THSD7A: variants seen among roughly 807,000 people sequenced by gnomAD.
The protein encoded by THSD7A is thrombospondin type 1 domain containing 7A.
In THSD7A, 96 loss-of-function variants were observed where a neutral mutation model predicts 231.3. The observed-to-expected ratio is 0.41, with a 90% CI of 0.35 to 0.49. The LOEUF (loss-of-function observed/expected upper bound fraction) is 0.49, where lower values mean the gene tolerates loss of function less well. THSD7A is among the 20% of genes least tolerant of loss of function. THSD7A has a pLI of 0.05. For missense variants in THSD7A, 2,290 were observed against 2,070.2 expected (o/e 1.11, Z -2.06); for synonymous variants, 940 against 743.3 (o/e 1.26, Z -4.30).
intron 2 of THSD7A, among the ~76,000 whole-genome samples, chr7:11,602,049 T>C (rs1039927532): frequency 6.6e-6 from 1 of 152,192 alleles, no homozygotes; most frequent in Non-Finnish European, 1.5e-5. Flanking sequence ...TACTGATATA[T>C]TGTGATCAAC....
chr7:11,812,696 T>A (rs1784568334), intron 1 of THSD7A, among the ~76,000 whole-genome samples: 1 of 152,210 alleles, frequency 6.6e-6, no homozygotes, highest in Non-Finnish European at 1.5e-5. Context: ...TCTTGGAGAC[T>A]TATTCTTCAC....
Position 11,425,786 on chromosome 7 carries a change from CAAGA to C in THSD7A, c.3249+876_3249+879del, listed in dbSNP as rs1487902666. Among the ~76,000 whole-genome samples the C allele has an allele frequency of 6.3e-5, 9 of 143,880 alleles. No individual in the cohort carries two copies. The East Asian group carries it at 1.0e-3, about 16-fold the overall frequency. The allele number at this position is 143,880 out of a possible 152,430, so 94.4% of individuals were successfully genotyped here. A position where few individuals can be genotyped will look rare whatever the true frequency, so the allele number is the denominator to read the frequency against. On this transcript the variant is annotated intron_variant, in intron 15 of 27. Coordinates refer to ENST00000423059, the MANE Select transcript of THSD7A (RefSeq NM_015204.3). ...CACACTGAGAGACAGAGACAGAGAGCAAGAGAGAGAGAAAGGGAAGAGAGAAACT... is the reference window on the plus strand; with the variant it reads ...CACACTGAGAGACAGAGACAGAGAGCGAGAGAGAAAGGGAAGAGAGAAACT...
At chr7:11,441,993 G>A (rs774232620) in intron 13 of THSD7A, among the ~76,000 whole-genome samples, 1 of 151,870 alleles carries the variant, frequency 6.6e-6, no homozygotes. Context: ...TTAAAAAAAA[G>A]CATAAAAAAC....
At chr7:11,396,066 C>A (rs1489765311) in intron 23 of THSD7A, among the ~76,000 whole-genome samples, 2 of 152,004 alleles carry the variant, frequency 1.3e-5, no homozygotes, top group Admixed American at 6.6e-5. Context: ...AAAACTAAAG[C>A]AGAAATAAGT....
rs1386263675 is a variant in THSD7A, at chr7:11,375,024, G to T, written c.*770C>A. ...GTGCCTTCCATATAGCAAAAAAGAT[G>T]CAGGCAACCAGTTTGAAAATCAGGG... On this transcript the variant is annotated 3_prime_UTR_variant, in exon 28 of 28. Coordinates refer to ENST00000423059, the MANE Select transcript of THSD7A (RefSeq NM_015204.3). 1 of 152,024 alleles carries T rather than the reference G, an allele frequency of 6.6e-6. No homozygotes were observed. The highest frequency in any genetic ancestry group is 1.5e-5 in the Non-Finnish European group (1 of 68,000). 9.4% of individuals were successfully genotyped at this position (152,024 alleles called of 1,614,324 possible).
rs6980010 is a variant in THSD7A at position 11,503,351 on chromosome 7, A to G, written c.1823-21369T>C. On this transcript the variant is annotated intron_variant, in intron 6 of 27. Transcript: ENST00000423059. Reference sequence around the variant, plus strand: ...ACTTAAATGTAAAACCCAAAACTATAAAAACCCTGGAAGACAACCTAGGCA... The same window carrying G: ...ACTTAAATGTAAAACCCAAAACTATGAAAACCCTGGAAGACAACCTAGGCA... 7.5e-3 allele frequency among the ~76,000 whole-genome samples: 1,148 copies of G among 152,304 alleles called. 12 individuals carry two copies. Among genetic ancestry groups the G allele is most frequent in the African/African-American group, 0.026 (1,101 of 41,568 alleles).
At chr7:11,628,552 TTCTC>T (rs139378850) in intron 2 of THSD7A, among the ~76,000 whole-genome samples, 1 of 150,928 alleles carries the variant, frequency 6.6e-6, no homozygotes, top group East Asian at 1.9e-4. Flanking sequence ...TGCACGCACT[TTCTC>T]TCTCTCTCTC....
chr7:11,657,242 A>C (rs1782744828), intron 1 of THSD7A, among the ~76,000 whole-genome samples: 1 of 151,836 alleles, frequency 6.6e-6, no homozygotes. Flanking sequence ...CCTTAGTAGA[A>C]CTCACAAGTT....
chr7:11,450,255 T>A (rs980168156), intron 11 of THSD7A, among the ~76,000 whole-genome samples: 1 of 152,050 alleles, frequency 6.6e-6, no homozygotes, highest in Non-Finnish European at 1.5e-5. Context: ...ACTATTCACA[T>A]AAACTGGAAT....
At chr7:11,556,110 TATTTA>T (rs1230700324) in intron 4 of THSD7A, among the ~76,000 whole-genome samples, 2 of 151,750 alleles carry the variant, frequency 1.3e-5, no homozygotes, top group African/African-American at 4.8e-5. Context: ...CTAAGTCTTC[TATTTA>T]TTTTTATTTA....
chr7:11,753,769 C>A (rs1355335545), intron 1 of THSD7A, among the ~76,000 whole-genome samples: 1 of 151,094 alleles, frequency 6.6e-6, no homozygotes, highest in Non-Finnish European at 1.5e-5. Flanking sequence ...ACAAACAATG[C>A]AATGGAGAGA....
rs563665853 is a variant in THSD7A, at chr7:11,629,172, G to T, written c.1022+6958C>A. 2.6e-5 allele frequency among the ~76,000 whole-genome samples: 4 copies of T among 152,188 alleles called. No homozygotes were observed. The East Asian group carries it at 5.8e-4, about 22-fold the overall frequency. On this transcript the variant is annotated intron_variant, in intron 2 of 27. Transcript: ENST00000423059. ...CCCATTGGTAGAATCCAATGAGAAA[G>T]AAGGCTCAGAAGCCTATGAATACAC...
At position 11,637,043 on chromosome 7, in the gene THSD7A, A is replaced by G. The variant is rs1781893214; in HGVS notation, c.191-82T>C. ...CTGCACATTCCAGAAAGACCTTTCAAGACCTAGTACATTAACTTCCCTGCG... is the reference window on the plus strand; with the variant it reads ...CTGCACATTCCAGAAAGACCTTTCAGGACCTAGTACATTAACTTCCCTGCG... On this transcript the variant is annotated intron_variant, in intron 1 of 27. Coordinates refer to ENST00000423059, the MANE Select transcript of THSD7A (RefSeq NM_015204.3). This position sits in a 1 kb window ranked among gnomAD's most constrained non-coding sequence, Gnocchi z 4.2. 3 of 1,298,650 alleles carry G rather than the reference A, an allele frequency of 2.3e-6. No homozygotes were observed. The African/African-American group carries it at 4.4e-5, about 19-fold the overall frequency. 80.4% of individuals were successfully genotyped at this position (1,298,650 alleles called of 1,614,324 possible).
chr7:11,451,446 G>T (rs1030864714), intron 11 of THSD7A, among the ~76,000 whole-genome samples: 17 of 152,116 alleles, frequency 1.1e-4, no homozygotes, highest in African/African-American at 3.9e-4. Flanking sequence ...CTTTTTAAGT[G>T]TGTGGACAGA....
intron 1 of THSD7A, among the ~76,000 whole-genome samples, chr7:11,691,044 A>G (rs1211350236): frequency 6.6e-6 from 1 of 151,710 alleles, no homozygotes; most frequent in African/African-American, 2.4e-5. Context: ...AACATGATTT[A>G]CATAAGAATG....
At chr7:11,653,804 TG>T (rs1562446216) in intron 1 of THSD7A, among the ~76,000 whole-genome samples, 2 of 151,944 alleles carry the variant, frequency 1.3e-5, no homozygotes, top group African/African-American at 4.8e-5. Context: ...ATCGTAGTCA[TG>T]TGCACTAAAA....
At chr7:11,433,798 T>C (rs1784550372) in intron 13 of THSD7A, among the ~76,000 whole-genome samples, 2 of 152,008 alleles carry the variant, frequency 1.3e-5, no homozygotes, top group South Asian at 4.1e-4. Context: ...AGATTTAACA[T>C]GTATGACTTC....
intron 1 of THSD7A, among the ~76,000 whole-genome samples, chr7:11,812,943 G>A (rs998429988): frequency 6.6e-6 from 1 of 152,142 alleles, no homozygotes; most frequent in Non-Finnish European, 1.5e-5. Context: ...TGAAGAAATC[G>A]TGAGAATTTA....
chr7:11,465,937 G>A (rs748440732), intron 9 of THSD7A, among the ~76,000 whole-genome samples: 1 of 152,004 alleles, frequency 6.6e-6, no homozygotes, highest in Admixed American at 6.6e-5. Flanking sequence ...TGAAAAACAC[G>A]TTAGCAAGTG....
Sources: gnomAD v4.1 joint callset for allele counts (sites outside exome capture counted in the v4.1 genomes callset) on GRCh38, gnomAD v4.1.1 for gene constraint, Gnocchi (gnomAD v3.1) non-coding constraint, MANE v1.5 for transcripts, NCBI Gene and HGNC (gene_info 2026-07-23, HGNC 2026-07-21) for gene names.